TNFAIP8L3: variants seen among roughly 807,000 people sequenced by gnomAD.
TNFAIP8L3 encodes the protein TNF alpha induced protein 8 like 3.
TNFAIP8L3 carries 7 observed loss-of-function variants against 11.8 expected under a neutral mutation model. That is an observed-to-expected ratio of 0.59 (90% CI 0.34 to 1.11). TNFAIP8L3 has a LOEUF of 1.11. Among genes scored for constraint, TNFAIP8L3 ranks in the 50% most tolerant of loss-of-function variants. The probability of loss-of-function intolerance (pLI) is 0.03; values close to 1 mark genes in which losing one functional copy is unlikely to be tolerated. For synonymous variants in TNFAIP8L3, 98 were observed against 103.8 expected (o/e 0.94, Z 0.34); for missense variants, 219 against 258.6 (o/e 0.85, Z 1.05).
chr15:51,086,894 CTTT>C (rs771443209), intron 1 of TNFAIP8L3, among the ~76,000 whole-genome samples: 2 of 145,806 alleles, frequency 1.4e-5, no homozygotes. Flanking sequence ...GCTACAACTT[CTTT>C]TTTTTTTTTT....
chr15:51,083,871 T>C (rs1039815021), intron 1 of TNFAIP8L3, among the ~76,000 whole-genome samples: 1 of 152,062 alleles, frequency 6.6e-6, no homozygotes, highest in Non-Finnish European at 1.5e-5. Context: ...ACACAGGGAA[T>C]TGATGGAAGA....
chr15:51,068,446 T>C (rs1179265649), intron 1 of TNFAIP8L3, among the ~76,000 whole-genome samples: 1 of 152,120 alleles, frequency 6.6e-6, no homozygotes, highest in African/African-American at 2.4e-5. Context: ...ACCCTGTCCT[T>C]TTCCAGTAAG....
intron 1 of TNFAIP8L3, among the ~76,000 whole-genome samples, chr15:51,080,790 G>A (rs1944667587): frequency 6.6e-6 from 1 of 152,258 alleles, no homozygotes; most frequent in African/African-American, 2.4e-5. Flanking sequence ...TGGCCTGGGG[G>A]CCTCAGTTGG....
At chr15:51,093,080 T>G (rs2065484081) in intron 1 of TNFAIP8L3, among the ~76,000 whole-genome samples, 1 of 152,190 alleles carries the variant, frequency 6.6e-6, no homozygotes, top group South Asian at 2.1e-4. Context: ...TGAGAGGAGA[T>G]CCACAAGTCA....
At chr15:51,083,875 TG>T (rs1387457410) in intron 1 of TNFAIP8L3, among the ~76,000 whole-genome samples, 2 of 152,242 alleles carry the variant, frequency 1.3e-5, no homozygotes, top group East Asian at 3.9e-4. Context: ...AGGGAATTGA[TG>T]GAAGAGCAAA....
intron 1 of TNFAIP8L3, among the ~76,000 whole-genome samples, chr15:51,086,078 A>G (rs1412936844): frequency 6.6e-6 from 1 of 152,146 alleles, no homozygotes; most frequent in Non-Finnish European, 1.5e-5. Context: ...GCTGGTCACC[A>G]TGTCCTGGGG....
chr15:51,082,266 G>T (rs528068258), intron 1 of TNFAIP8L3, among the ~76,000 whole-genome samples: 1 of 152,148 alleles, frequency 6.6e-6, no homozygotes, highest in South Asian at 2.1e-4. Context: ...CTACAAACTT[G>T]TACCGTATGT....
intron 1 of TNFAIP8L3, among the ~76,000 whole-genome samples, chr15:51,075,124 G>T (rs1294535964): frequency 6.6e-6 from 1 of 152,174 alleles, no homozygotes; most frequent in Admixed American, 6.5e-5. Context: ...GTTCTTTGAG[G>T]CTCAGATTCC....
intron 1 of TNFAIP8L3, among the ~76,000 whole-genome samples, chr15:51,062,433 T>G (rs1259891464): frequency 1.3e-5 from 2 of 152,314 alleles, no homozygotes; most frequent in South Asian, 4.1e-4. Context: ...CACCATGCCT[T>G]GACCTTAGGT....
upstream of TNFAIP8L3, among the ~76,000 whole-genome samples, chr15:51,096,699 C>G (rs938615139): frequency 1.3e-5 from 2 of 151,982 alleles, no homozygotes; most frequent in African/African-American, 4.8e-5. Context: ...TGAGACCAGC[C>G]TGACCAACAT....
At chr15:51,100,904 T>G (rs2065546164) in intron 1 of TNFAIP8L3, among the ~76,000 whole-genome samples, 1 of 152,220 alleles carries the variant, frequency 6.6e-6, no homozygotes, top group Non-Finnish European at 1.5e-5. Context: ...CTGGCCTGCC[T>G]GTCCTTGCCC....
At chr15:51,088,196 T>C (rs1238104951) in intron 1 of TNFAIP8L3, among the ~76,000 whole-genome samples, 1 of 152,032 alleles carries the variant, frequency 6.6e-6, no homozygotes, top group African/African-American at 2.4e-5. Context: ...AGGGTAATGC[T>C]GAAGGGAAAT....
chr15:51,058,062 A>G lies in TNFAIP8L3; in HGVS notation c.434T>C (p.Val145Ala). The G allele has an allele frequency of 6.2e-7, 1 of 1,614,128 alleles. No individual in the cohort carries two copies. The highest frequency in any genetic ancestry group is 8.5e-7 in the Non-Finnish European group (1 of 1,180,016). The change falls in exon 2 of 2, where the codon GTG (valine) becomes GCG (alanine). Residue 145 changes from valine (V) to alanine (A), a missense_variant. Transcript: ENST00000637513. ...SNLLHECKDL[V>A]HELVQRHLTP... ...CAGGTGCCGCTGCACCAGTTCATGC[A>G]CCAGGTCCTTGCACTCATGCAGGAG... is the stretch of plus-strand genomic sequence containing the variant.
intron 1 of TNFAIP8L3, among the ~76,000 whole-genome samples, chr15:51,080,485 T>G (rs2065383301): frequency 6.6e-6 from 1 of 152,216 alleles, no homozygotes; most frequent in South Asian, 2.1e-4. Context: ...TTTCTCTTGA[T>G]GCCTGACACA....
intron 1 of TNFAIP8L3, among the ~76,000 whole-genome samples, chr15:51,064,068 C>A (rs868831152): frequency 1.3e-5 from 2 of 152,126 alleles, no homozygotes; most frequent in Admixed American, 6.6e-5. Context: ...ATCTCTGAAG[C>A]TTTAAAGATC....
rs1280367537 is a variant in TNFAIP8L3 at position 51,094,479 on chromosome 15, T to TGCCCCAGCCTCCCGTCC, written c.52+48_52+64dup. Reference sequence around the variant, plus strand: ...GCTGAGGATCGGCTTCCCGATTTCATGCCCCAGCCTCCCGTCCTCCCCAGC... The same window carrying TGCCCCAGCCTCCCGTCC: ...GCTGAGGATCGGCTTCCCGATTTCATGCCCCAGCCTCCCGTCCGCCCCAGCCTCCCGTCCTCCCCAGC... On this transcript the variant is annotated intron_variant, in intron 1 of 1. Transcript: ENST00000637513. This position sits in a 1 kb window ranked among gnomAD's most constrained non-coding sequence, Gnocchi z 4.4. The TGCCCCAGCCTCCCGTCC allele has an allele frequency of 7.2e-6, 10 of 1,388,694 alleles. No homozygotes were observed. Among genetic ancestry groups the TGCCCCAGCCTCCCGTCC allele is most frequent in the African/African-American group, 1.5e-5 (1 of 65,460 alleles). The allele number at this position is 1,388,694 out of a possible 1,614,324, so 86.0% of individuals were successfully genotyped here.
intron 1 of TNFAIP8L3, among the ~76,000 whole-genome samples, chr15:51,089,161 C>T (rs1007383137): frequency 3.3e-5 from 5 of 152,126 alleles, no homozygotes; most frequent in Non-Finnish European, 5.9e-5. Flanking sequence ...AAACCTTGTA[C>T]ATGCTGCTGA....
At chr15:51,068,888 G>A (rs1315115456) in intron 1 of TNFAIP8L3, among the ~76,000 whole-genome samples, 3 of 151,954 alleles carry the variant, frequency 2.0e-5, no homozygotes, top group Non-Finnish European at 2.9e-5. Flanking sequence ...GGTTGGTCTC[G>A]AACTCCTGAC....
upstream of TNFAIP8L3, among the ~76,000 whole-genome samples, chr15:51,096,891 C>CAAAAAAAAAA (rs56057102): frequency 2.0e-5 from 2 of 98,280 alleles, no homozygotes; most frequent in Admixed American, 1.1e-4. Context: ...CACGCTGTCT[C>CAAAAAAAAAA]AAAAAAAAAA....
Sources: gnomAD v4.1 joint callset for allele counts (sites outside exome capture counted in the v4.1 genomes callset) on GRCh38, gnomAD v4.1.1 for gene constraint, Gnocchi (gnomAD v3.1) non-coding constraint, MANE v1.5 for transcripts, NCBI Gene and HGNC (gene_info 2026-07-23, HGNC 2026-07-21) for gene names.